CEP85L: variants seen among roughly 807,000 people sequenced by gnomAD.
The protein encoded by CEP85L is centrosomal protein of 85 kDa-like.
A neutral mutation model predicts 100.3 loss-of-function variants in CEP85L; 60 were observed. The observed-to-expected ratio is 0.60, with a 90% confidence interval of 0.49 to 0.74. The LOEUF is 0.74. CEP85L is among the 30% of genes least tolerant of loss of function. CEP85L has a pLI of 0.00. For synonymous variants in CEP85L, 319 were observed against 322.7 expected, an observed-to-expected ratio of 0.99 and a Z score of 0.12; for missense variants, 973 against 936.2, an observed-to-expected ratio of 1.04 and a Z score of -0.51.
intron 2 of CEP85L, among the ~76,000 whole-genome samples, chr6:118,627,972 G>GA (rs1773912090): frequency 1.3e-5 from 2 of 152,074 alleles, no homozygotes; most frequent in Non-Finnish European, 2.9e-5. Context: ...AGTAAAAACA[G>GA]AAAAAAACTG....
intron 2 of CEP85L, among the ~76,000 whole-genome samples, chr6:118,622,709 C>T (rs577696322): frequency 6.6e-6 from 1 of 152,206 alleles, no homozygotes; most frequent in South Asian, 2.1e-4. Context: ...GAGTTTATAA[C>T]CTCTCAGGGG....
At chr6:118,637,145 T>C (rs1184784201) in intron 1 of CEP85L, among the ~76,000 whole-genome samples, 1 of 152,206 alleles carries the variant, frequency 6.6e-6, no homozygotes, top group African/African-American at 2.4e-5. Flanking sequence ...AACTATCTGT[T>C]ATCTAACTTT....
intron 3 of CEP85L, among the ~76,000 whole-genome samples, chr6:118,536,325 T>C (rs1777588071): frequency 1.3e-5 from 2 of 151,698 alleles, no homozygotes; most frequent in Admixed American, 1.3e-4. Context: ...CTGAGAAGAG[T>C]CACAAGCTAA....
At chr6:118,693,541 G>A (rs1269048844) in intron 1 of CEP85L, among the ~76,000 whole-genome samples, 1 of 152,166 alleles carries the variant, frequency 6.6e-6, no homozygotes, top group Admixed American at 6.5e-5. Flanking sequence ...CATCCAAGGA[G>A]CCTCACTGCA....
At chr6:118,570,280 G>A (rs938645964) in intron 2 of CEP85L, among the ~76,000 whole-genome samples, 4 of 152,088 alleles carry the variant, frequency 2.6e-5, no homozygotes, top group African/African-American at 9.7e-5. Context: ...CTTCTGCAAA[G>A]GTATTTTGTT....
At chr6:118,709,901 G>C (rs868093691) in intron 1 of CEP85L, 1 of 151,966 alleles carries the variant, frequency 6.6e-6, no homozygotes, top group African/African-American at 2.4e-5. Context: ...TTCTAAGCAA[G>C]AGGTATAAAA....
At chr6:118,504,665 G>A (rs1382149056) in intron 5 of CEP85L, among the ~76,000 whole-genome samples, 2 of 152,180 alleles carry the variant, frequency 1.3e-5, no homozygotes, top group Admixed American at 6.5e-5. Flanking sequence ...AACCCAGGGA[G>A]GGAGTTATGT....
At chr6:118,537,072 C>T (rs1156442184) in intron 3 of CEP85L, among the ~76,000 whole-genome samples, 2 of 152,132 alleles carry the variant, frequency 1.3e-5, no homozygotes, top group Non-Finnish European at 2.9e-5. Flanking sequence ...TCAAAATTCA[C>T]ATATTGATAA....
intron 3 of CEP85L, among the ~76,000 whole-genome samples, chr6:118,534,236 T>G: frequency 6.6e-6 from 1 of 152,146 alleles, no homozygotes; most frequent in Non-Finnish European, 1.5e-5. Flanking sequence ...TATATTTCTA[T>G]ATATTAACAA....
intron 2 of CEP85L, among the ~76,000 whole-genome samples, chr6:118,588,142 G>T (rs529206462): frequency 1.3e-5 from 2 of 152,114 alleles, no homozygotes; most frequent in Non-Finnish European, 2.9e-5. Flanking sequence ...TGAATACATC[G>T]GACAAAGGGA....
chr6:118,589,509 C>T (rs1333108121), intron 2 of CEP85L: 1 of 254,528 alleles, frequency 3.9e-6, no homozygotes, highest in Admixed American at 4.0e-5. Context: ...AAAGAAAGTA[C>T]CTCTGAGAAG....
intron 3 of CEP85L, among the ~76,000 whole-genome samples, chr6:118,532,254 G>A (rs116895919): frequency 0.022 from 3,308 of 152,038 alleles, 51 homozygotes; most frequent in South Asian, 0.047. Flanking sequence ...ACTAACATAG[G>A]AACAGAAAAC....
chr6:118,523,156 A>G (rs1776762466), intron 4 of CEP85L, among the ~76,000 whole-genome samples: 1 of 152,202 alleles, frequency 6.6e-6, no homozygotes, highest in Admixed American at 6.5e-5. Context: ...GATATACAAC[A>G]TATTTAATTA....
chr6:118,614,879 G>GATAA (rs1772918221), intron 2 of CEP85L, among the ~76,000 whole-genome samples: 1 of 151,706 alleles, frequency 6.6e-6, no homozygotes, highest in Admixed American at 6.6e-5. Flanking sequence ...TAGATAGATA[G>GATAA]ATAGATAGAT....
intron 1 of CEP85L, among the ~76,000 whole-genome samples, chr6:118,657,891 A>G (rs1358567588): frequency 6.6e-6 from 1 of 152,256 alleles, no homozygotes; most frequent in Non-Finnish European, 1.5e-5. Context: ...TAAATCATTA[A>G]GACAGTTTTC....
At chr6:118,589,143 T>C in intron 2 of CEP85L, 1 of 283,322 alleles carries the variant, frequency 3.5e-6, no homozygotes, top group African/African-American at 2.3e-5. Context: ...CACAAGGCCT[T>C]CAATGATATT....
intron 3 of CEP85L, among the ~76,000 whole-genome samples, chr6:118,536,265 G>A (rs1178571885): frequency 2.6e-5 from 4 of 152,088 alleles, no homozygotes; most frequent in Non-Finnish European, 5.9e-5. Context: ...ATCAATAATG[G>A]TAAGTCAGAA....
chr6:118,526,578 T>C (rs571589685), intron 3 of CEP85L, among the ~76,000 whole-genome samples: 1 of 152,294 alleles, frequency 6.6e-6, no homozygotes, highest in East Asian at 1.9e-4. Context: ...GCTTCTACTA[T>C]TGAGACAGGT....
At chr6:118,585,863 C>T (rs1438360410) in intron 2 of CEP85L, among the ~76,000 whole-genome samples, 1 of 152,140 alleles carries the variant, frequency 6.6e-6, no homozygotes, top group African/African-American at 2.4e-5. Context: ...GGCAGGTAAA[C>T]TTCACCCACA....
Sources: gnomAD v4.1 joint callset for allele counts (sites outside exome capture counted in the v4.1 genomes callset) on GRCh38, gnomAD v4.1.1 for gene constraint, MANE v1.5 for transcripts, NCBI Gene and HGNC (gene_info 2026-07-23, HGNC 2026-07-21) for gene names.